The following STAU1 variants were observed in gnomAD, a reference collection of about 807,000 sequenced individuals.
STAU1 encodes double-stranded RNA-binding protein Staufen homolog 1.
Under a neutral mutation model 62.9 loss-of-function variants are expected in STAU1, and 13 were observed. The ratio of observed to expected loss-of-function variants is 0.21; its 90% CI spans 0.13 to 0.33. The LOEUF is 0.33. STAU1 is among the 10% of genes least tolerant of loss of function. STAU1 has a pLI of 1.00. For missense variants in STAU1, 571 were observed against 712.1 expected (o/e 0.80, Z 2.25); for synonymous variants, 269 against 265.1 (o/e 1.01, Z -0.14).
intron 2 of STAU1, among the ~76,000 whole-genome samples, chr20:49,170,785 G>GAAAAAA (rs34699924): frequency 7.4e-6 from 1 of 135,770 alleles, no homozygotes. Flanking sequence ...ATGTGTCTGG[G>GAAAAAA]AAAAAAAAAA....
chr20:49,123,788 G>A lies in STAU1; in HGVS notation c.823-553C>T, dbSNP rs540923566. Among the ~76,000 whole-genome samples, 104 of 152,134 alleles carry A rather than the reference G, an allele frequency of 6.8e-4. 1 individual carries two copies. Among genetic ancestry groups the A allele is most frequent in the Non-Finnish European group, 1.0e-3 (71 of 68,022 alleles). ...AAAAGGGAAACAAAAGGTATACATAGTATGCTTTTATGTAAGAAAAATTTG... is the reference window on the plus strand; with the variant it reads ...AAAAGGGAAACAAAAGGTATACATAATATGCTTTTATGTAAGAAAAATTTG... On this transcript the variant is annotated intron_variant, in intron 7 of 13. Transcript: ENST00000371856.
chr20:49,117,291 G>A lies in STAU1; in HGVS notation c.1510-43C>T, dbSNP rs1249361493. The stretch of plus-strand genomic sequence containing the variant: ...GCTGAGGCTAGGTAGGGAACAGCAA[G>A]TATGAGTGGGCTGGAGGGCTGCAGC... On this transcript the variant is annotated intron_variant, in intron 11 of 13. Coordinates refer to ENST00000371856, the MANE Select transcript of STAU1 (RefSeq NM_017453.4). This position sits in a 1 kb window ranked among gnomAD's most constrained non-coding sequence, Gnocchi z 4.6. 1.9e-6 allele frequency: 3 copies of A among 1,609,226 alleles called. No homozygotes were observed. The highest frequency in any genetic ancestry group is 1.7e-6 in the Non-Finnish European group (2 of 1,177,054).
At position 49,154,011 on chromosome 20, in the gene STAU1, A is replaced by G. The variant is rs746279104; in HGVS notation, c.266T>C (p.Met89Thr). 2 of 1,613,584 alleles carry G rather than the reference A, an allele frequency of 1.2e-6. No homozygotes were observed. The highest frequency in any genetic ancestry group is 1.7e-6 in the Non-Finnish European group (2 of 1,179,900). The change falls in exon 4 of 14, where the codon ATG (methionine) becomes ACG (threonine). Residue 89 changes from methionine (M) to threonine (T), a missense_variant. Physicochemically the swap from Met to Thr is moderately conservative, Grantham distance 81 (BLOSUM62 -1). Around this residue, in one of 3 missense-constraint regions of STAU1, gnomAD observed 414 missense variants for 499.6 expected, o/e 0.83. Transcript: ENST00000371856. Reference sequence around the variant, plus strand: ...AGAGTAAGGGTCAACAGGCTTATACATTGGTTTTTTTCCAAGTTTCATGCA... The same window carrying G: ...AGAGTAAGGGTCAACAGGCTTATACGTTGGTTTTTTTCCAAGTTTCATGCA... ...ALCMKLGKKP[M>T]YKPVDPYSRM...
Position 49,118,088 on chromosome 20 carries a change from C to T in STAU1, c.1198G>A (p.Glu400Lys). ...AGATAAGGCATCCTGAACTCATCCT[C>T]TTTATTACCTGGGAGGGACATACAC... ...SGDENGTSNK[E>K]DEFRMPYLSH... The change falls in exon 11 of 14, where the codon GAG becomes AAG. Residue 400 changes from glutamate to lysine, a missense_variant. Glu to Lys is a moderately conservative substitution (Grantham distance 56). Transcript: ENST00000371856. 6.2e-7 allele frequency: 1 copy of T among 1,613,826 alleles called. No individual in the cohort carries two copies. The highest frequency in any genetic ancestry group is 8.5e-7 in the Non-Finnish European group (1 of 1,179,822).
chr20:49,118,790 A>C (rs2092394211), intron 9 of STAU1, among the ~76,000 whole-genome samples: 1 of 152,222 alleles, frequency 6.6e-6, no homozygotes, highest in Non-Finnish European at 1.5e-5. Context: ...ATAAATCAAG[A>C]ATATTTCCTG....
At chr20:49,116,906 G>A (rs984908588) in intron 12 of STAU1, among the ~76,000 whole-genome samples, 29 of 152,158 alleles carry the variant, frequency 1.9e-4, no homozygotes, top group Non-Finnish European at 2.9e-5. Flanking sequence ...GAAGGGAAAG[G>A]TGGGCTAAAG....
chr20:49,181,766 CA>C (rs758956478), intron 1 of STAU1, among the ~76,000 whole-genome samples: 1,274 of 24,456 alleles, frequency 0.052, 1 homozygote, highest in Admixed American at 0.1. Context: ...ACTATCTCAA[CA>C]AAAAAAAAAA....
intron 3 of STAU1, among the ~76,000 whole-genome samples, chr20:49,165,571 G>A (rs2093513403): frequency 6.7e-6 from 1 of 150,262 alleles, no homozygotes; most frequent in Non-Finnish European, 1.5e-5. Context: ...CCTGACCTCT[G>A]CTGATCCACC....
At chr20:49,126,862 G>T (rs959485884) in intron 6 of STAU1, among the ~76,000 whole-genome samples, 2 of 150,892 alleles carry the variant, frequency 1.3e-5, no homozygotes, top group Non-Finnish European at 1.5e-5. Context: ...TGCATGGAGC[G>T]GGGTGGGGGG....
At chr20:49,196,301 T>G in the STAU1 span, among the ~76,000 whole-genome samples, 1 of 150,862 alleles carries the variant, frequency 6.6e-6, no homozygotes, top group African/African-American at 2.4e-5. Context: ...CCGGGCAAGG[T>G]GGCGGGCGCC....
chr20:49,197,477 C>T, the STAU1 span, among the ~76,000 whole-genome samples: 1 of 150,936 alleles, frequency 6.6e-6, no homozygotes, highest in East Asian at 2.0e-4. Context: ...TCTCAGCTCA[C>T]TCCACCTCTG....
At chr20:49,123,462 T>C (rs1422248117) in intron 7 of STAU1, among the ~76,000 whole-genome samples, 1 of 152,226 alleles carries the variant, frequency 6.6e-6, no homozygotes, top group Non-Finnish European at 1.5e-5. Flanking sequence ...CATTTCACTA[T>C]AACGAAGCGT....
intron 5 of STAU1, among the ~76,000 whole-genome samples, chr20:49,148,414 C>CAT (rs1320724175): frequency 1.1e-4 from 17 of 152,200 alleles, no homozygotes; most frequent in Non-Finnish European, 4.4e-5. Context: ...CAAGATATCC[C>CAT]ATTACGTATG....
intron 3 of STAU1, among the ~76,000 whole-genome samples, chr20:49,161,539 C>A (rs1357150256): frequency 6.6e-6 from 1 of 152,138 alleles, no homozygotes; most frequent in East Asian, 1.9e-4. Flanking sequence ...TATAAATGCA[C>A]AAGCAGTATG....
At position 49,154,082 on chromosome 20, in the gene STAU1, GA is replaced by G. The variant is rs1366343390; in HGVS notation, c.206-12del. ...TAGGGGTTATGCTTTCTGCAAGAAA[GA>G]ATCGACAAAGAACTGTTTTTTTCTG... On this transcript the variant is annotated splice_polypyrimidine_tract_variant and intron_variant, in intron 3 of 13. Transcript: ENST00000371856. The G allele has an allele frequency of 2.5e-6, 4 of 1,588,850 alleles. No homozygotes were observed. Among genetic ancestry groups the G allele is most frequent in the Non-Finnish European group, 3.4e-6 (4 of 1,173,184 alleles).
intron 1 of STAU1, among the ~76,000 whole-genome samples, chr20:49,176,623 A>G (rs1345299677): frequency 6.6e-6 from 1 of 152,196 alleles, no homozygotes; most frequent in Non-Finnish European, 1.5e-5. Context: ...GTATTTTAAC[A>G]GCTCAGGTTC....
At position 49,123,051 on chromosome 20, in the gene STAU1, G is replaced by A. The variant is rs376781889; in HGVS notation, c.966+41C>T. On this transcript the variant is annotated intron_variant, in intron 8 of 13. Transcript: ENST00000371856. ...CCGCCATCAGCCCCCAAGGCTGGACGTGGTCAGAGGAAGGGGCGCCCATCA... is the reference window on the plus strand; with the variant it reads ...CCGCCATCAGCCCCCAAGGCTGGACATGGTCAGAGGAAGGGGCGCCCATCA... 91 of 1,532,646 alleles carry A rather than the reference G, an allele frequency of 5.9e-5. No individual in the cohort carries two copies. In the Middle Eastern group the frequency reaches 6.9e-4, roughly 12 times the overall value. The allele number at this position is 1,532,646 out of a possible 1,614,324, so 94.9% of individuals were successfully genotyped here.
the STAU1 span, among the ~76,000 whole-genome samples, chr20:49,202,925 C>T: frequency 6.6e-6 from 1 of 151,542 alleles, no homozygotes; most frequent in Non-Finnish European, 1.5e-5. Flanking sequence ...GCCTGTAACC[C>T]CAGCTACTTG....
At chr20:49,148,318 A>G (rs1259645934) in intron 5 of STAU1, among the ~76,000 whole-genome samples, 1 of 152,186 alleles carries the variant, frequency 6.6e-6, no homozygotes, top group Non-Finnish European at 1.5e-5. Flanking sequence ...TACCCCCAAG[A>G]AAAAAATAAA....
Sources: allele counts gnomAD v4.1 joint callset (sites outside exome capture counted in the v4.1 genomes callset), GRCh38; gene constraint gnomAD v4.1.1; regional missense constraint gnomAD v4.1.1; non-coding constraint Gnocchi (gnomAD v3.1); transcripts MANE v1.5; gene names NCBI Gene and HGNC (gene_info 2026-07-23, HGNC 2026-07-21).